ASIC2: variants seen among roughly 807,000 people sequenced by gnomAD.
ASIC2 encodes the protein acid-sensing ion channel 2.
In ASIC2, 25 loss-of-function variants were observed where a neutral mutation model predicts 57.3. The ratio of observed to expected loss-of-function variants is 0.44; its 90% CI spans 0.32 to 0.61. ASIC2 has a LOEUF of 0.61. Ranked by LOEUF, ASIC2 falls within the 20% of genes least tolerant of loss-of-function variation. The pLI is 0.06. For missense variants in ASIC2, 641 were observed against 738.1 expected (o/e 0.87, Z 1.52); for synonymous variants, 319 against 307.5 (o/e 1.04, Z -0.39).
intron 1 of ASIC2, among the ~76,000 whole-genome samples, chr17:33,339,827 C>T (rs748894775): frequency 6.6e-6 from 1 of 152,128 alleles, no homozygotes; most frequent in Non-Finnish European, 1.5e-5. Context: ...GAGATAAAAC[C>T]AGATTTGGCA....
intron 1 of ASIC2, among the ~76,000 whole-genome samples, chr17:34,008,286 A>G (rs2142019376): frequency 6.6e-6 from 1 of 152,298 alleles, no homozygotes; most frequent in Middle Eastern, 3.4e-3. Flanking sequence ...TGACCCGCCC[A>G]AACTTGTTCT....
chr17:33,987,861 C>T (rs922643462), intron 1 of ASIC2, among the ~76,000 whole-genome samples: 1 of 152,152 alleles, frequency 6.6e-6, no homozygotes, highest in African/African-American at 2.4e-5. Flanking sequence ...TCTTCTAATG[C>T]AGATGAGACA....
intron 1 of ASIC2, among the ~76,000 whole-genome samples, chr17:33,538,390 A>C (rs780966701): frequency 6.6e-6 from 1 of 152,212 alleles, no homozygotes; most frequent in South Asian, 2.1e-4. Flanking sequence ...CTCATTCCCC[A>C]TGGCATCCAC....
At chr17:33,460,460 G>A (rs1030218842) in intron 1 of ASIC2, among the ~76,000 whole-genome samples, 2 of 152,184 alleles carry the variant, frequency 1.3e-5, no homozygotes, top group African/African-American at 4.8e-5. Context: ...CCAGAATAGA[G>A]AGAACAAGGG....
At chr17:33,319,592 T>C (rs1177807732) in intron 1 of ASIC2, among the ~76,000 whole-genome samples, 1 of 152,238 alleles carries the variant, frequency 6.6e-6, no homozygotes, top group Non-Finnish European at 1.5e-5. Flanking sequence ...GTAATAATTA[T>C]ATTGGGGTAA....
At chr17:33,669,601 C>T (rs531117421) in intron 1 of ASIC2, among the ~76,000 whole-genome samples, 4 of 152,202 alleles carry the variant, frequency 2.6e-5, no homozygotes, top group African/African-American at 4.8e-5. Context: ...CACTGACCAG[C>T]TTGTGTTAAC....
intron 1 of ASIC2, among the ~76,000 whole-genome samples, chr17:34,119,313 AG>A (rs1567828751): frequency 2.0e-5 from 3 of 152,030 alleles, no homozygotes. Context: ...TACCTGAAAA[AG>A]GGGAAAACAA....
intron 1 of ASIC2, among the ~76,000 whole-genome samples, chr17:33,199,513 C>T (rs146866489): frequency 5.3e-4 from 80 of 152,302 alleles, no homozygotes; most frequent in African/African-American, 1.8e-3. Context: ...TTACTGGCTC[C>T]TGCATAAAAC....
At chr17:33,227,397 C>A (rs1364761354) in intron 1 of ASIC2, among the ~76,000 whole-genome samples, 1 of 152,150 alleles carries the variant, frequency 6.6e-6, no homozygotes, top group Non-Finnish European at 1.5e-5. Context: ...CTATGTTTCT[C>A]TTTTGTGCTC....
intron 1 of ASIC2, among the ~76,000 whole-genome samples, chr17:33,340,709 G>C (rs1262050852): frequency 2.6e-5 from 4 of 152,094 alleles, no homozygotes; most frequent in African/African-American, 9.7e-5. Flanking sequence ...CACAGAGGGG[G>C]CTCCTGCATC....
intron 1 of ASIC2, among the ~76,000 whole-genome samples, chr17:33,284,932 A>AG (rs1163718800): frequency 6.6e-6 from 1 of 152,208 alleles, no homozygotes; most frequent in Non-Finnish European, 1.5e-5. Flanking sequence ...GACTGTTGCA[A>AG]GCCTATTTAC....
chr17:34,011,003 C>CACACACACAG (rs1555580896), intron 1 of ASIC2, among the ~76,000 whole-genome samples: 20,176 of 58,144 alleles, frequency 0.35, 2,982 homozygotes, highest in African/African-American at 0.45. Context: ...GTCAGACACA[C>CACACACACAG]ACACACACAG....
intron 1 of ASIC2, chr17:34,037,113 T>C (rs1256973729): frequency 6.5e-6 from 1 of 152,950 alleles, no homozygotes; most frequent in Non-Finnish European, 1.5e-5. Context: ...TAACGGGCAA[T>C]AGCAACTTTT....
At chr17:33,860,813 C>G (rs1036016428) in intron 1 of ASIC2, among the ~76,000 whole-genome samples, 1 of 152,180 alleles carries the variant, frequency 6.6e-6, no homozygotes, top group African/African-American at 2.4e-5. Context: ...GAGGTAGACA[C>G]CAGTTGACCA....
chr17:33,540,615 G>A (rs1372111627), intron 1 of ASIC2, among the ~76,000 whole-genome samples: 1 of 152,120 alleles, frequency 6.6e-6, no homozygotes, highest in African/African-American at 2.4e-5. Flanking sequence ...CATAGAGTTA[G>A]TTAGTCACTC....
intron 1 of ASIC2, among the ~76,000 whole-genome samples, chr17:33,621,032 G>A (rs1191108651): frequency 1.3e-5 from 2 of 152,028 alleles, no homozygotes; most frequent in Non-Finnish European, 2.9e-5. Context: ...TCTTCCCCCA[G>A]GTATTCAAGA....
intron 2 of ASIC2, among the ~76,000 whole-genome samples, chr17:33,105,367 A>G (rs1237829254): frequency 6.6e-6 from 1 of 152,206 alleles, no homozygotes; most frequent in African/African-American, 2.4e-5. Flanking sequence ...GCTGCCATGT[A>G]AGATGTGCCT....
chr17:33,579,246 A>C (rs12951975), intron 1 of ASIC2, among the ~76,000 whole-genome samples: 1 of 147,332 alleles, frequency 6.8e-6, no homozygotes, highest in Non-Finnish European at 1.5e-5. Flanking sequence ...AAATCACACC[A>C]TTGCACTCCA....
intron 1 of ASIC2, among the ~76,000 whole-genome samples, chr17:33,226,942 G>A (rs1041042129): frequency 2.0e-5 from 3 of 152,050 alleles, no homozygotes; most frequent in Non-Finnish European, 4.4e-5. Context: ...ACTTCGACAT[G>A]TAATCAATAT....
Sources: gnomAD v4.1 joint callset for allele counts (sites outside exome capture counted in the v4.1 genomes callset) on GRCh38, gnomAD v4.1.1 for gene constraint, MANE v1.5 for transcripts, NCBI Gene and HGNC (gene_info 2026-07-23, HGNC 2026-07-21) for gene names.